The following BRF1 variants were observed in gnomAD, a reference collection of about 807,000 sequenced individuals.
BRF1 encodes BRF1 general transcription factor IIIB subunit, also known as transcription factor IIIB 90 kDa subunit.
A neutral mutation model predicts 81.7 loss-of-function variants in BRF1; 59 were observed. The ratio of observed to expected loss-of-function variants is 0.72; its 90% confidence interval spans 0.59 to 0.90. The LOEUF is 0.90. Ranked by LOEUF, BRF1 falls within the 40% of genes least tolerant of loss-of-function variation. The pLI is 0.00. For synonymous variants in BRF1, 491 were observed against 395.6 expected (o/e 1.24, Z -2.86); for missense variants, 1,050 against 936.3 (o/e 1.12, Z -1.58).
At chr14:105,222,254 A>C in intron 10 of BRF1, 2 of 234,440 alleles carry the variant, frequency 8.5e-6, no homozygotes, top group Non-Finnish European at 1.6e-5. Context: ...CCAAAAAATT[A>C]AGAACTGCCC....
At chr14:105,297,813 G>A (rs763672998) in intron 1 of BRF1, among the ~76,000 whole-genome samples, 3 of 151,938 alleles carry the variant, frequency 2.0e-5, no homozygotes, top group Admixed American at 1.3e-4. Context: ...CGGCTAACAC[G>A]GTGAAACCCC....
chr14:105,249,585 G>A, intron 5 of BRF1: 1 of 1,585,322 alleles, frequency 6.3e-7, no homozygotes, highest in Non-Finnish European at 8.6e-7. Flanking sequence ...CCCAGGCCCA[G>A]CCCCGCGATG....
intron 5 of BRF1, chr14:105,247,792 C>T (rs921128473): frequency 2.0e-6 from 2 of 985,564 alleles, no homozygotes; most frequent in African/African-American, 3.5e-5. Flanking sequence ...CGTCTGCACG[C>T]GAGCTTGGCA....
intron 15 of BRF1, among the ~76,000 whole-genome samples, chr14:105,214,256 C>T (rs1193920637): frequency 6.6e-6 from 1 of 152,260 alleles, no homozygotes; most frequent in African/African-American, 2.4e-5. Context: ...ACAGCCCACA[C>T]TGGCCCCTCT....
chr14:105,273,488 G>T (rs989201175), intron 2 of BRF1, among the ~76,000 whole-genome samples: 4 of 152,126 alleles, frequency 2.6e-5, no homozygotes, highest in Non-Finnish European at 1.5e-5. Flanking sequence ...AGGAAGAGAG[G>T]TCAGACTGTT....
intron 2 of BRF1, among the ~76,000 whole-genome samples, chr14:105,281,629 A>AG (rs1200851051): frequency 6.6e-6 from 1 of 151,840 alleles, no homozygotes; most frequent in African/African-American, 2.4e-5. Context: ...ACCACAGTGG[A>AG]GGGGGGCACT....
chr14:105,259,311 G>A (rs587630940), intron 3 of BRF1, among the ~76,000 whole-genome samples: 9 of 152,252 alleles, frequency 5.9e-5, no homozygotes, highest in African/African-American at 2.2e-4. Context: ...CGGGTATGGT[G>A]ACAAACACTT....
chr14:105,217,968 T>A (rs1210171384), intron 14 of BRF1, among the ~76,000 whole-genome samples, 168 bp from the exon 15 acceptor site: 1 of 152,226 alleles, frequency 6.6e-6, no homozygotes, highest in Non-Finnish European at 1.5e-5. Context: ...TGGTGCTCTC[T>A]GGGCCTGCCC....
chr14:105,301,237 A>G, upstream of BRF1: 1 of 146,246 alleles, frequency 6.8e-6, no homozygotes, highest in East Asian at 2.1e-4. Flanking sequence ...GGGGCAGAGG[A>G]GGGTCCTCCT....
At chr14:105,286,251 T>C in intron 2 of BRF1, 45 bp downstream of exon 2, 1 of 1,574,342 alleles carries the variant, frequency 6.4e-7, no homozygotes, top group South Asian at 1.1e-5. Flanking sequence ...CATCCCCATC[T>C]CTGGGACCCG....
chr14:105,229,555 C>A (rs138574498), intron 6 of BRF1, among the ~76,000 whole-genome samples: 10 of 152,222 alleles, frequency 6.6e-5, no homozygotes, highest in Non-Finnish European at 1.3e-4. Flanking sequence ...ATCCACCCAC[C>A]AGCACCAAGG....
chr14:105,253,904 G>C (rs2055741191), intron 4 of BRF1, among the ~76,000 whole-genome samples: 1 of 152,242 alleles, frequency 6.6e-6, no homozygotes, highest in Non-Finnish European at 1.5e-5. Flanking sequence ...TAGTGTGTGT[G>C]TGCATCCGCA....
intron 3 of BRF1, among the ~76,000 whole-genome samples, chr14:105,262,196 C>T (rs1322263964): frequency 6.6e-6 from 1 of 152,108 alleles, no homozygotes; most frequent in Non-Finnish European, 1.5e-5. Flanking sequence ...TGGGGTCACT[C>T]ACCCCAGAGC....
chr14:105,241,163 G>A, intron 6 of BRF1, 102 bp downstream of exon 6: 1 of 1,530,058 alleles, frequency 6.5e-7, no homozygotes, highest in Non-Finnish European at 8.8e-7. Flanking sequence ...AGCTCTCAGT[G>A]CTCTGCAAAC....
intron 12 of BRF1, 72 bp downstream of exon 12, chr14:105,219,997 C>A: frequency 6.3e-7 from 1 of 1,580,652 alleles, no homozygotes; most frequent in Non-Finnish European, 8.6e-7. Flanking sequence ...CCCCGCCCGA[C>A]CACTCAGGGC....
At chr14:105,265,080 T>TTTTTG (rs1566849059) in intron 3 of BRF1, among the ~76,000 whole-genome samples, 3 of 150,046 alleles carry the variant, frequency 2.0e-5, no homozygotes, top group African/African-American at 7.4e-5. Context: ...TTTGTTTTTT[T>TTTTTG]AGAGACAGGG....
Position 105,241,338 on chromosome 14 carries a change from G to A in BRF1, c.621C>T (p.Ala207=), listed in dbSNP as rs1369792499. Residue 207 remains alanine, a synonymous_variant, in exon 6 of 18, where the codon GCC becomes GCT. Transcript: ENST00000547530. ...GCTTCATCCTCTGTAGGAGCCTCAG[G>A]GCAGTCATGGACACCTCGTGGTTCT... The part of the protein sequence containing the change: ...GEKNHEVSMT[A]LRLLQRMKRD... The A allele has an allele frequency of 5.0e-6, 8 of 1,612,668 alleles. No individual in the cohort carries two copies. Among genetic ancestry groups the A allele is most frequent in the South Asian group, 1.1e-5 (1 of 91,090 alleles).
In BRF1 at chr14:105,241,299, G is replaced by T. The variant is rs1410112614; in HGVS notation, c.660C>A (p.His220Gln). The T allele has an allele frequency of 3.1e-6, 5 of 1,612,562 alleles. No individual in the cohort carries two copies. Among genetic ancestry groups the T allele is most frequent in the East Asian group, 4.5e-5 (2 of 44,882 alleles). The change falls in exon 6 of 18, where the codon CAC becomes CAA. Residue 220 changes from histidine to glutamine, a missense_variant. His to Gln is a conservative substitution (Grantham distance 24). Transcript: ENST00000547530. ...AGAGGCCCGAGGGGCGCCGGCCTGT[G>T]TGCATCCAGTCCCGCTTCATCCTCT... ...LLQRMKRDWM[H>Q]TGRRPSGLCG... is the part of the protein sequence containing the mutation.
intron 2 of BRF1, among the ~76,000 whole-genome samples, chr14:105,286,090 A>C (rs886096454): frequency 6.6e-6 from 1 of 152,184 alleles, no homozygotes; most frequent in African/African-American, 2.4e-5. Context: ...GTTCTCCCCA[A>C]ACAGCCCTGG....
Sources: allele counts gnomAD v4.1 joint callset (sites outside exome capture counted in the v4.1 genomes callset), GRCh38; gene constraint gnomAD v4.1.1; transcripts MANE v1.5; gene names NCBI Gene and HGNC (gene_info 2026-07-23, HGNC 2026-07-21).